MALRD1: variants seen among roughly 807,000 people sequenced by gnomAD.
MALRD1 encodes the protein MAM and LDL-receptor class A domain-containing protein 1.
Under a neutral mutation model 242.1 loss-of-function variants are expected in MALRD1, and 247 were observed. That is an observed-to-expected ratio of 1.02 (90% CI 0.92 to 1.13). The LOEUF is 1.13. Ranked by LOEUF, MALRD1 falls within the 50% of genes most tolerant of loss-of-function variation. The probability of loss-of-function intolerance (pLI) is 0.00; values close to 1 mark genes in which losing one functional copy is unlikely to be tolerated. For synonymous variants in MALRD1, 995 were observed against 866.6 expected, an observed-to-expected ratio of 1.15 and a Z score of -2.60; for missense variants, 2,989 against 2,533.1, an observed-to-expected ratio of 1.18 and a Z score of -3.86.
intron 26 of MALRD1, among the ~76,000 whole-genome samples, chr10:19,362,752 T>G (rs907886549): frequency 6.6e-6 from 1 of 152,114 alleles, no homozygotes; most frequent in Non-Finnish European, 1.5e-5. Context: ...TTAGAAAGAA[T>G]CTTTTTGGCT....
chr10:19,505,329 G>C (rs541959823), intron 31 of MALRD1, among the ~76,000 whole-genome samples: 14 of 152,106 alleles, frequency 9.2e-5, no homozygotes, highest in Admixed American at 7.9e-4. Flanking sequence ...TTGGAGATAC[G>C]GTCTTTAAGT....
intron 33 of MALRD1, among the ~76,000 whole-genome samples, chr10:19,585,241 G>T (rs1200485782): frequency 6.6e-6 from 1 of 151,406 alleles, no homozygotes; most frequent in Non-Finnish European, 1.5e-5. Context: ...AGTTAATATT[G>T]TTATGTGTGA....
intron 21 of MALRD1, among the ~76,000 whole-genome samples, chr10:19,312,784 A>G (rs1218402420): frequency 6.6e-6 from 1 of 151,434 alleles, no homozygotes; most frequent in Non-Finnish European, 1.5e-5. Context: ...AATTTAGATG[A>G]CATTTAGATG....
chr10:19,496,182 G>T (rs886858221), intron 30 of MALRD1, among the ~76,000 whole-genome samples: 17 of 152,196 alleles, frequency 1.1e-4, no homozygotes, highest in African/African-American at 3.9e-4. Flanking sequence ...AATTAACAAA[G>T]ATATTCAGGA....
chr10:19,355,314 C>G (rs1844570483), intron 26 of MALRD1, among the ~76,000 whole-genome samples: 1 of 151,300 alleles, frequency 6.6e-6, no homozygotes, highest in Non-Finnish European at 1.5e-5. Flanking sequence ...CAAAATGAAC[C>G]TACATTGAAA....
At chr10:19,477,629 A>C (rs1216407324) in intron 29 of MALRD1, among the ~76,000 whole-genome samples, 1 of 152,148 alleles carries the variant, frequency 6.6e-6, no homozygotes, top group Non-Finnish European at 1.5e-5. Context: ...TAATAGGCGA[A>C]AGAAGGAGAA....
chr10:19,370,935 A>G (rs535919325), intron 26 of MALRD1, among the ~76,000 whole-genome samples: 38 of 151,896 alleles, frequency 2.5e-4, no homozygotes, highest in Non-Finnish European at 4.9e-4. Context: ...AAATTATAAA[A>G]GCTGTGATTT....
intron 28 of MALRD1, among the ~76,000 whole-genome samples, chr10:19,391,564 T>G (rs1259000070): frequency 6.6e-6 from 1 of 152,220 alleles, no homozygotes; most frequent in African/African-American, 2.4e-5. Flanking sequence ...ATTCGCTCCC[T>G]CTGGCTTGGC....
chr10:19,081,015 C>A (rs182750977), intron 2 of MALRD1, among the ~76,000 whole-genome samples: 24 of 151,972 alleles, frequency 1.6e-4, no homozygotes, highest in Middle Eastern at 3.4e-3. Context: ...ATGAAAAAAA[C>A]CTCAACATCA....
chr10:19,701,387 C>G (rs1307166443), intron 38 of MALRD1, among the ~76,000 whole-genome samples: 2 of 152,116 alleles, frequency 1.3e-5, no homozygotes, highest in African/African-American at 2.4e-5. Context: ...TGCAGATGCT[C>G]AAATGTCATA....
chr10:19,395,872 G>A (rs1846554878), intron 28 of MALRD1, among the ~76,000 whole-genome samples: 1 of 152,042 alleles, frequency 6.6e-6, no homozygotes, highest in Non-Finnish European at 1.5e-5. Context: ...TTTCCAAGTA[G>A]GAGTCCTACT....
chr10:19,622,495 A>C (rs2131626823), intron 36 of MALRD1, among the ~76,000 whole-genome samples: 1 of 151,964 alleles, frequency 6.6e-6, no homozygotes, highest in African/African-American at 2.4e-5. Flanking sequence ...TGGATAGTTG[A>C]CTCAACATCG....
intron 31 of MALRD1, among the ~76,000 whole-genome samples, chr10:19,519,959 T>G (rs186511320): frequency 2.2e-4 from 33 of 152,302 alleles, no homozygotes; most frequent in African/African-American, 7.2e-4. Context: ...GGTAGATCAT[T>G]GTTATGTCCA....
At chr10:19,608,075 G>A (rs1838722954) in intron 35 of MALRD1, among the ~76,000 whole-genome samples, 173 bp downstream of exon 35, 1 of 152,060 alleles carries the variant, frequency 6.6e-6, no homozygotes, top group African/African-American at 2.4e-5. Context: ...CATGTCTAAA[G>A]TATTATAAAC....
At position 19,103,874 on chromosome 10, in the gene MALRD1, A is replaced by G. The variant is rs995946612; in HGVS notation, c.598-105A>G. 6 of 579,098 alleles carry G rather than the reference A, an allele frequency of 1.0e-5. No individual in the cohort carries two copies. In the African/African-American group the frequency reaches 1.2e-4, roughly 11 times the overall value. The allele number at this position is 579,098 out of a possible 1,614,324, so 35.9% of individuals were successfully genotyped here. On this transcript the variant is annotated intron_variant, in intron 4 of 39. Transcript: ENST00000454679. ...GGCATGGTCACCCAAGTGCTTCTAG[A>G]GAGTGACATGCTTCCTATTGCAGGC...
At chr10:19,152,536 A>G (rs746480135) in intron 11 of MALRD1, among the ~76,000 whole-genome samples, 11 of 151,980 alleles carry the variant, frequency 7.2e-5, no homozygotes, top group Admixed American at 6.6e-5. Context: ...CTTCATATAA[A>G]TCATGTCCCT....
At chr10:19,405,649 G>A (rs1267619521) in intron 28 of MALRD1, among the ~76,000 whole-genome samples, 2 of 152,094 alleles carry the variant, frequency 1.3e-5, no homozygotes, top group African/African-American at 2.4e-5. Context: ...TTAGAACCCA[G>A]AATATGGCTG....
At chr10:19,656,927 T>G (rs1349529829) in intron 36 of MALRD1, among the ~76,000 whole-genome samples, 2 of 152,124 alleles carry the variant, frequency 1.3e-5, no homozygotes, top group Admixed American at 1.3e-4. Flanking sequence ...ATCGATCTGG[T>G]TTGTTTTTAT....
chr10:19,388,897 A>AG (rs1354996026), intron 27 of MALRD1, among the ~76,000 whole-genome samples: 6 of 151,462 alleles, frequency 4.0e-5, no homozygotes, highest in Admixed American at 4.0e-4. Flanking sequence ...AAAAAAAAAA[A>AG]AAGAAAAACT....
Sources: allele counts gnomAD v4.1 joint callset (sites outside exome capture counted in the v4.1 genomes callset), GRCh38; gene constraint gnomAD v4.1.1; transcripts MANE v1.5; gene names NCBI Gene and HGNC (gene_info 2026-07-23, HGNC 2026-07-21).